EP300: variants seen among roughly 807,000 people sequenced by gnomAD.
The protein encoded by EP300 is histone acetyltransferase p300.
A neutral mutation model predicts 264.0 loss-of-function variants in EP300; 31 were observed. The ratio of observed to expected loss-of-function variants is 0.12; its 90% CI spans 0.09 to 0.16. EP300 has a LOEUF of 0.16. EP300 is among the 10% of genes least tolerant of loss of function. EP300 has a pLI of 1.00. For missense variants in EP300, 2,766 were observed against 3,052.9 expected, an observed-to-expected ratio of 0.91 and a Z score of 2.21; for synonymous variants, 1,340 against 1,045.4, an observed-to-expected ratio of 1.28 and a Z score of -5.44.
At chr22:41,125,740 T>C (rs1407740683) in intron 2 of EP300, 124 bp from the exon 3 acceptor site, 7 of 1,079,586 alleles carry the variant, frequency 6.5e-6, no homozygotes, top group East Asian at 2.6e-5. Flanking sequence ...TAGTGTCTTT[T>C]CTAATAGAAG....
chr22:41,094,178 G>A (rs1655253287), intron 1 of EP300, among the ~76,000 whole-genome samples: 1 of 152,156 alleles, frequency 6.6e-6, no homozygotes, highest in Non-Finnish European at 1.5e-5. Flanking sequence ...GGATAATGAA[G>A]ATGAAGAATG....
In EP300 at chr22:41,176,483, A is replaced by G. The variant is rs150000512; in HGVS notation, c.5016A>G (p.Glu1672=). 32 of 1,614,172 alleles carry G rather than the reference A, an allele frequency of 2.0e-5. 1 individual carries two copies. The South Asian group carries it at 3.0e-4, about 15-fold the overall frequency. ...ACCGCTTTGTCTACACCTGCAATGA[A>G]TGCAAGCACCATGTGGAGACACGCT... ...SQDRFVYTCN[E]CKHHVETRWH... The change falls in exon 30 of 31, where the codon GAA becomes GAG. Residue 1672 remains glutamate (E), a synonymous_variant. Transcript: ENST00000263253.
chr22:41,117,907 G>A lies in EP300; in HGVS notation c.729+86G>A, dbSNP rs1306399503. 281 of 1,593,950 alleles carry A rather than the reference G, an allele frequency of 1.8e-4. 3 individuals are homozygous for A. The highest frequency in any genetic ancestry group is 2.2e-5 in the South Asian group (2 of 88,916). On this transcript the variant is annotated intron_variant, in intron 2 of 30. Coordinates refer to ENST00000263253, the MANE Select transcript of EP300 (RefSeq NM_001429.4). ...TGGAGGGTTTGCCTTACATTGTATAGCAGTTTCCACTATTACACGCCAGGA... is the reference window on the plus strand; with the variant it reads ...TGGAGGGTTTGCCTTACATTGTATAACAGTTTCCACTATTACACGCCAGGA...
Position 41,092,746 on chromosome 22 carries a change from C to G in EP300, c.-259C>G, listed in dbSNP as rs894893986. ...AATTCGCCGCAGCGGACGCGCTCGG[C>G]GAATTTGTGCTCTTGTGCCCTCCTC... On this transcript the variant is annotated 5_prime_UTR_variant, in exon 1 of 31. Coordinates refer to ENST00000263253, the MANE Select transcript of EP300 (RefSeq NM_001429.4). 1 of 609,194 alleles carries G rather than the reference C, an allele frequency of 1.6e-6. No individual in the cohort carries two copies. The highest frequency in any genetic ancestry group is 3.0e-6 in the Non-Finnish European group (1 of 335,618). The allele number at this position is 609,194 out of a possible 1,614,324, so 37.7% of individuals were successfully genotyped here.
At chr22:41,146,621 C>A in intron 10 of EP300, 118 bp from the exon 11 acceptor site, 1 of 844,990 alleles carries the variant, frequency 1.2e-6, no homozygotes, top group Non-Finnish European at 2.0e-6. Context: ...TTTTGTGATT[C>A]ATACTCAATT....
chr22:41,112,044 C>T (rs1438646265), intron 1 of EP300, among the ~76,000 whole-genome samples: 10 of 151,738 alleles, frequency 6.6e-5, no homozygotes, highest in South Asian at 2.1e-4. Flanking sequence ...TCCGCCACCG[C>T]GCCCAGCTAA....
rs142037772 is a variant in EP300, at chr22:41,133,218, A to G, written c.1528+1585A>G. Among the ~76,000 whole-genome samples the G allele has an allele frequency of 5.9e-5, 8 of 134,470 alleles. No individual in the cohort carries two copies. In the East Asian group the frequency reaches 1.9e-3, roughly 32 times the overall value. The allele number at this position is 134,470 out of a possible 152,430, so 88.2% of individuals were successfully genotyped here. A position where few individuals can be genotyped will look rare whatever the true frequency, so the allele number is the denominator to read the frequency against. ...GTCACCGAGGCTGGAGTACAGTGGC[A>G]CGATCTTGGCTCACTGCAACTTCCG... On this transcript the variant is annotated intron_variant, in intron 6 of 30. Transcript: ENST00000263253.
chr22:41,145,405 A>G (rs1408081532), intron 10 of EP300, among the ~76,000 whole-genome samples: 2 of 152,220 alleles, frequency 1.3e-5, no homozygotes, highest in African/African-American at 4.8e-5. Flanking sequence ...GAAGGGATGG[A>G]CATCTCCTTA....
Position 41,169,332 on chromosome 22 carries a change from C to G in EP300, c.4173-171C>G, listed in dbSNP as rs1340434558. The G allele has an allele frequency of 3.0e-5, 19 of 634,550 alleles. No individual in the cohort carries two copies. The South Asian group carries it at 3.4e-4, about 11-fold the overall frequency. The allele number at this position is 634,550 out of a possible 1,614,324, so 39.3% of individuals were successfully genotyped here. On this transcript the variant is annotated intron_variant, in intron 25 of 30. Transcript: ENST00000263253. ...AGGAAACCACAGGCTCACTGAACTT[C>G]CCTGAAGGGTTCACGGCGGAGTCGC...
chr22:41,109,262 A>C (rs1166200465), intron 1 of EP300, among the ~76,000 whole-genome samples: 2 of 151,584 alleles, frequency 1.3e-5, no homozygotes, highest in Admixed American at 6.6e-5. Context: ...TCAAAAAAAA[A>C]AAAAAACAAA....
At chr22:41,106,728 C>T (rs1415771222) in intron 1 of EP300, among the ~76,000 whole-genome samples, 1 of 151,676 alleles carries the variant, frequency 6.6e-6, no homozygotes, top group Admixed American at 6.6e-5. Flanking sequence ...GATCCTCCCA[C>T]CTCAGCCTGT....
intron 30 of EP300, 100 bp from the exon 31 acceptor site, chr22:41,176,673 G>GT: frequency 6.2e-7 from 1 of 1,611,962 alleles, no homozygotes; most frequent in Non-Finnish European, 8.5e-7. Context: ...GCTAGTTTTT[G>GT]TTCTACGAAA....
intron 22 of EP300, among the ~76,000 whole-genome samples, chr22:41,165,067 C>T (rs1372722105): frequency 1.3e-5 from 2 of 152,030 alleles, no homozygotes; most frequent in African/African-American, 4.8e-5. Flanking sequence ...TTTTTTTCAC[C>T]GTTATTTTCA....
At chr22:41,117,914 C>T in intron 2 of EP300, 93 bp downstream of exon 2, 1 of 1,581,312 alleles carries the variant, frequency 6.3e-7, no homozygotes, top group Non-Finnish European at 8.6e-7. Flanking sequence ...ATAGCAGTTT[C>T]CACTATTACA....
intron 23 of EP300, among the ~76,000 whole-genome samples, chr22:41,166,889 C>G (rs187650614): frequency 6.6e-6 from 1 of 151,858 alleles, no homozygotes; most frequent in Non-Finnish European, 1.5e-5. Flanking sequence ...GCACAAGATA[C>G]GTGTTTTTCC....
In EP300 at chr22:41,177,314, CGCCCCAGCCCACTTCTCA is replaced by C. The variant is rs1555912169; in HGVS notation, c.5607_5624del (p.Ser1873_Thr1878del). On this transcript the variant is annotated inframe_deletion, in exon 31 of 31. Transcript: ENST00000263253. ...GGCCAACAGCCAACCACCCCGCAGA[CGCCCCAGCCCACTTCTCA>C]GCCTCAGCCTACCCCTCCCAATAGC... 2 of 1,613,962 alleles carry C rather than the reference CGCCCCAGCCCACTTCTCA, an allele frequency of 1.2e-6. No individual in the cohort carries two copies. The highest frequency in any genetic ancestry group is 1.7e-6 in the Non-Finnish European group (2 of 1,180,042).
Position 41,147,881 on chromosome 22 carries a change from G to T in EP300, c.2176G>T (p.Val726Leu), listed in dbSNP as rs778286798. Residue 726 changes from valine to leucine, a missense_variant, in exon 12 of 31, where the codon GTA becomes TTA. Coordinates refer to ENST00000263253, the MANE Select transcript of EP300 (RefSeq NM_001429.4). ...GQMSMAQPPI[V>L]PRQTPPLQHH... ...GATGAGCATGGCCCAGCCCCCTATT[G>T]TACCCCGGCAAACCCCTCCTCTTCA... The T allele has an allele frequency of 1.9e-6, 3 of 1,613,888 alleles. No individual in the cohort carries two copies. Among genetic ancestry groups the T allele is most frequent in the Non-Finnish European group, 2.5e-6 (3 of 1,180,020 alleles).
At position 41,176,181 on chromosome 22, in the gene EP300, C is replaced by A. The variant is rs866206728; in HGVS notation, c.4780-66C>A. On this transcript the variant is annotated intron_variant, in intron 29 of 30. Coordinates refer to ENST00000263253, the MANE Select transcript of EP300 (RefSeq NM_001429.4). ...GTTGTAGTGAGCCAAGATCACGCCA[C>A]TGCATTCCAGCCTGGATGACAGAGC... The A allele has an allele frequency of 3.5e-5, 56 of 1,593,262 alleles. No homozygotes were observed. The Middle Eastern group carries it at 2.0e-3, about 57-fold the overall frequency.
intron 4 of EP300, among the ~76,000 whole-genome samples, chr22:41,128,072 A>G (rs2058893332): frequency 6.6e-6 from 1 of 152,104 alleles, no homozygotes; most frequent in Non-Finnish European, 1.5e-5. Flanking sequence ...AGGCTGAGGA[A>G]GGAGGATTGC....
Sources: allele counts gnomAD v4.1 joint callset (sites outside exome capture counted in the v4.1 genomes callset), GRCh38; gene constraint gnomAD v4.1.1; transcripts MANE v1.5; gene names NCBI Gene and HGNC (gene_info 2026-07-23, HGNC 2026-07-21).